SERINC1: variants seen among roughly 807,000 people sequenced by gnomAD.
SERINC1 encodes serine incorporator 1, also known as tumor differentially expressed protein 2.
A neutral mutation model predicts 52.9 loss-of-function variants in SERINC1; 38 were observed. That is an observed-to-expected ratio of 0.72 (90% CI 0.55 to 0.94). The LOEUF is 0.94. SERINC1 is among the 40% of genes least tolerant of loss of function. SERINC1 has a pLI of 0.00. For missense variants in SERINC1, 471 were observed against 533.9 expected (o/e 0.88, Z 1.16); for synonymous variants, 198 against 183.1 (o/e 1.08, Z -0.66).
Position 122,456,477 on chromosome 6 carries a change from T to G in SERINC1, c.371+4A>C. 1 of 1,527,004 alleles carries G rather than the reference T, an allele frequency of 6.5e-7. No homozygotes were observed. The highest frequency in any genetic ancestry group is 1.8e-4 in the Middle Eastern group (1 of 5,688). 94.6% of individuals were successfully genotyped at this position (1,527,004 alleles called of 1,614,324 possible). ...TTTATATTGAAGCTTATTTAAAAAC[T>G]TACCCATTGTGCACTGCAGCTCTAG... On this transcript the variant is annotated splice_donor_region_variant and intron_variant, in intron 3 of 9. Transcript: ENST00000339697.
At position 122,444,030 on chromosome 6, in the gene SERINC1, T is replaced by A. The variant is rs927853892; in HGVS notation, c.*1014A>T. The A allele has an allele frequency of 6.6e-6, 1 of 152,162 alleles. No individual in the cohort carries two copies. Among genetic ancestry groups the A allele is most frequent in the South Asian group, 2.1e-4 (1 of 4,834 alleles). 9.4% of individuals were successfully genotyped at this position (152,162 alleles called of 1,614,324 possible). A position where few individuals can be genotyped will look rare whatever the true frequency, so the allele number is the denominator to read the frequency against. On this transcript the variant is annotated 3_prime_UTR_variant, in exon 10 of 10. Coordinates refer to ENST00000339697, the MANE Select transcript of SERINC1 (RefSeq NM_020755.4). ...ATATATATATTTTTTTGTCTTACTC[T>A]GTTGCCCAGGCTAGAGTGCAGTGAC...
At chr6:122,465,735 A>G (rs1312497543) in intron 1 of SERINC1, among the ~76,000 whole-genome samples, 2 of 152,194 alleles carry the variant, frequency 1.3e-5, no homozygotes, top group East Asian at 1.9e-4. Context: ...AAACACTAAG[A>G]TCAATGAAAG....
chr6:122,446,439 A>G (rs974374221), intron 9 of SERINC1, among the ~76,000 whole-genome samples: 19 of 152,156 alleles, frequency 1.2e-4, no homozygotes, highest in African/African-American at 3.6e-4. Flanking sequence ...AACAAAAGAG[A>G]AAAAAGGATG....
At chr6:122,458,832 T>C in intron 1 of SERINC1, 151 bp from the exon 2 acceptor site, 1 of 557,744 alleles carries the variant, frequency 1.8e-6, no homozygotes, top group Non-Finnish European at 3.0e-6. Context: ...TTGGTTCATA[T>C]AAATTATCTA....
rs371111637 is a variant in SERINC1, at chr6:122,444,986, G to T, written c.*58C>A. Reference sequence around the variant, plus strand: ...ACATACACAACTTTACAAAAGTTGGGAATACTGTTTTCAAATAAGCAATAA... The same window carrying T: ...ACATACACAACTTTACAAAAGTTGGTAATACTGTTTTCAAATAAGCAATAA... On this transcript the variant is annotated 3_prime_UTR_variant, in exon 10 of 10. Coordinates refer to ENST00000339697, the MANE Select transcript of SERINC1 (RefSeq NM_020755.4). 245 of 1,546,728 alleles carry T rather than the reference G, an allele frequency of 1.6e-4. 2 individuals carry two copies. In the Admixed American group the frequency reaches 1.7e-3, roughly 11 times the overall value.
intron 1 of SERINC1, among the ~76,000 whole-genome samples, chr6:122,459,108 A>G (rs569565269): frequency 8.5e-5 from 13 of 152,118 alleles, no homozygotes; most frequent in African/African-American, 2.7e-4. Context: ...CCAGGGAGGG[A>G]AAAAAAAGTG....
chr6:122,467,080 C>G (rs1775203114), intron 1 of SERINC1, among the ~76,000 whole-genome samples: 1 of 151,874 alleles, frequency 6.6e-6, no homozygotes, highest in Admixed American at 6.6e-5. Context: ...TGGTCGTCAA[C>G]CAAATGAATA....
At chr6:122,469,378 TTG>T (rs1228266892) in intron 1 of SERINC1, among the ~76,000 whole-genome samples, 3 of 138,492 alleles carry the variant, frequency 2.2e-5, no homozygotes, top group Non-Finnish European at 3.2e-5. Context: ...TTTTTTGTTT[TTG>T]TTTTTTTTTT....
chr6:122,446,857 A>G lies in SERINC1; in HGVS notation c.1143T>C (p.Gly381=). Residue 381 remains glycine (G), a synonymous_variant, in exon 9 of 10, where the codon GGT becomes GGC. Transcript: ENST00000339697. ...GAAAGAAGGAATAACTGTAAGTGACACCATCCCTTTCATTATCTACAGCTC... is the reference window on the plus strand; with the variant it reads ...GAAAGAAGGAATAACTGTAAGTGACGCCATCCCTTTCATTATCTACAGCTC... ...VHRAVDNERD[G]VTYSYSFFHF... is the part of the protein sequence containing the mutation. 6.2e-7 allele frequency: 1 copy of G among 1,614,026 alleles called. No individual in the cohort carries two copies. Among genetic ancestry groups the G allele is most frequent in the Non-Finnish European group, 8.5e-7 (1 of 1,179,886 alleles).
chr6:122,453,707 T>C, intron 5 of SERINC1, 63 bp downstream of exon 5: 1 of 1,384,734 alleles, frequency 7.2e-7, no homozygotes, highest in Middle Eastern at 1.9e-4. Flanking sequence ...TTACCTAGTC[T>C]ACATATCTAT....
chr6:122,451,503 G>A (rs991530670), intron 7 of SERINC1, among the ~76,000 whole-genome samples, 161 bp downstream of exon 7: 2 of 151,794 alleles, frequency 1.3e-5, no homozygotes, highest in Non-Finnish European at 2.9e-5. Flanking sequence ...GTTAGTGATG[G>A]AAGAAACTAA....
chr6:122,445,883 C>CAACAAAAAAAAA (rs775303717), intron 9 of SERINC1, among the ~76,000 whole-genome samples: 1 of 62,836 alleles, frequency 1.6e-5, no homozygotes, highest in Admixed American at 2.5e-4. Flanking sequence ...GACTCCATTT[C>CAACAAAAAAAAA]AAAAAAAAAA....
At chr6:122,457,293 C>T (rs1193024506) in intron 2 of SERINC1, among the ~76,000 whole-genome samples, 2 of 152,134 alleles carry the variant, frequency 1.3e-5, no homozygotes, top group East Asian at 3.9e-4. Flanking sequence ...CACTAACTCC[C>T]TTAAGTAAGA....
Position 122,451,776 on chromosome 6 carries a change from A to AAAAAAAAAAATATATAT in SERINC1, c.760-23_760-22insATATATATTTTTTTTTT. 154 of 112,984 alleles carry AAAAAAAAAAATATATAT rather than the reference A, an allele frequency of 1.4e-3. 7 individuals carry two copies. Among genetic ancestry groups the AAAAAAAAAAATATATAT allele is most frequent in the African/African-American group, 6.0e-3 (80 of 13,414 alleles). The allele number at this position is 112,984 out of a possible 1,614,324, so 7.0% of individuals were successfully genotyped here. ...ATTCCTACAAAAAAAAAAAAAAAAAAATATATATATATATATATAGCAACA... is the reference window on the plus strand; with the variant it reads ...ATTCCTACAAAAAAAAAAAAAAAAAAAAAAAAAAAATATATATATATATATATATATATATAGCAACA... On this transcript the variant is annotated intron_variant, in intron 6 of 9. Transcript: ENST00000339697.
chr6:122,453,716 A>G (rs764504492), intron 5 of SERINC1, 54 bp downstream of exon 5: 1 of 1,472,964 alleles, frequency 6.8e-7, no homozygotes, highest in Non-Finnish European at 9.2e-7. Context: ...CTACATATCT[A>G]TTCTCGACTT....
Position 122,451,776 on chromosome 6 carries a change from A to AAAAAAATATAT in SERINC1, c.760-23_760-22insATATATTTTTT. ...ATTCCTACAAAAAAAAAAAAAAAAA[A>AAAAAAATATAT]ATATATATATATATATATAGCAACA... is the stretch of plus-strand genomic sequence containing the variant. On this transcript the variant is annotated intron_variant, in intron 6 of 9. Transcript: ENST00000339697. The AAAAAAATATAT allele has an allele frequency of 1.3e-3, 147 of 112,712 alleles. 1 individual carries two copies. Among genetic ancestry groups the AAAAAAATATAT allele is most frequent in the Middle Eastern group, 4.5e-3 (1 of 224 alleles). 7.0% of individuals were successfully genotyped at this position (112,712 alleles called of 1,614,324 possible).
intron 7 of SERINC1, among the ~76,000 whole-genome samples, chr6:122,448,755 C>A (rs1774852825): frequency 6.7e-6 from 1 of 149,502 alleles, no homozygotes; most frequent in Non-Finnish European, 1.5e-5. Flanking sequence ...CAGTTTCTTA[C>A]ATAGACATAC....
At chr6:122,468,683 AGAAG>A (rs1405175083) in intron 1 of SERINC1, among the ~76,000 whole-genome samples, 2 of 152,178 alleles carry the variant, frequency 1.3e-5, no homozygotes, top group Non-Finnish European at 2.9e-5. Context: ...GCATTGAGAG[AGAAG>A]GAAGATTTTG....
chr6:122,469,781 C>T (rs1775244961), intron 1 of SERINC1, among the ~76,000 whole-genome samples: 1 of 152,118 alleles, frequency 6.6e-6, no homozygotes, highest in African/African-American at 2.4e-5. Flanking sequence ...CGGTCTCCCA[C>T]TCCTGACATC....
Sources: gnomAD v4.1 joint callset for allele counts (sites outside exome capture counted in the v4.1 genomes callset) on GRCh38, gnomAD v4.1.1 for gene constraint, MANE v1.5 for transcripts, NCBI Gene and HGNC (gene_info 2026-07-23, HGNC 2026-07-21) for gene names.